The following PTPRM variants were observed in gnomAD, a reference collection of about 807,000 sequenced individuals.
PTPRM encodes protein tyrosine phosphatase receptor type M.
Under a neutral mutation model 186.7 loss-of-function variants are expected in PTPRM, and 47 were observed. The ratio of observed to expected loss-of-function variants is 0.25; its 90% confidence interval spans 0.20 to 0.32. The LOEUF (loss-of-function observed/expected upper bound fraction) is 0.32, where lower values mean the gene tolerates loss of function less well. Among genes scored for constraint, PTPRM ranks in the 10% least tolerant of loss-of-function variants. The pLI, the probability that PTPRM is intolerant of heterozygous loss-of-function variation, is 1.00. For missense variants in PTPRM, 1,494 were observed against 1,865.0 expected (o/e 0.80, Z 3.66); for synonymous variants, 668 against 674.9 (o/e 0.99, Z 0.16).
chr18:7,614,959 A>G (rs1030863972), intron 1 of PTPRM, among the ~76,000 whole-genome samples: 3 of 152,196 alleles, frequency 2.0e-5, no homozygotes, highest in Admixed American at 6.5e-5. Flanking sequence ...TTTGGAGTTG[A>G]GAATTAAACT....
At chr18:8,281,460 G>A (rs953132164) in intron 19 of PTPRM, among the ~76,000 whole-genome samples, 3 of 152,166 alleles carry the variant, frequency 2.0e-5, no homozygotes, top group Non-Finnish European at 4.4e-5. Flanking sequence ...AAAAATCTGT[G>A]CCGTGCAGTA....
At chr18:7,959,259 C>T (rs1024670167) in intron 7 of PTPRM, among the ~76,000 whole-genome samples, 4 of 152,166 alleles carry the variant, frequency 2.6e-5, no homozygotes, top group Non-Finnish European at 4.4e-5. Flanking sequence ...TACCTCATTA[C>T]CCAATGTTTT....
intron 2 of PTPRM, among the ~76,000 whole-genome samples, chr18:7,812,753 T>G (rs1332293528): frequency 6.6e-6 from 1 of 152,086 alleles, no homozygotes. Flanking sequence ...CAGCAATACT[T>G]GTTCAAAGTG....
At chr18:8,072,092 A>C (rs1272317842) in intron 8 of PTPRM, among the ~76,000 whole-genome samples, 2 of 152,190 alleles carry the variant, frequency 1.3e-5, no homozygotes, top group East Asian at 3.8e-4. Flanking sequence ...CTTGACAAGA[A>C]GTACTGTCTG....
intron 31 of PTPRM, among the ~76,000 whole-genome samples, chr18:8,392,513 G>T (rs2095820556): frequency 6.6e-6 from 1 of 152,030 alleles, no homozygotes; most frequent in Non-Finnish European, 1.5e-5. Flanking sequence ...TGTAGTCCCA[G>T]CTACTCGGGA....
intron 2 of PTPRM, 83 bp downstream of exon 2, chr18:7,774,354 A>G (rs773704771): frequency 5.3e-6 from 8 of 1,513,306 alleles, no homozygotes; most frequent in Non-Finnish European, 7.2e-6. Context: ...TATTGGTTAA[A>G]TGAGTGACGG....
intron 17 of PTPRM, among the ~76,000 whole-genome samples, chr18:8,250,436 C>T (rs2094517354): frequency 6.6e-6 from 1 of 151,822 alleles, no homozygotes; most frequent in Admixed American, 6.6e-5. Context: ...TAGTGAGAAG[C>T]TTTGTTTCTT....
At chr18:7,923,431 A>G (rs557428828) in intron 4 of PTPRM, among the ~76,000 whole-genome samples, 27 of 152,162 alleles carry the variant, frequency 1.8e-4, no homozygotes, top group Non-Finnish European at 2.9e-4. Context: ...CATTGTCCTG[A>G]GATATTATTG....
At position 7,686,117 on chromosome 18, in the gene PTPRM, T is replaced by A. The variant is rs2039596835; in HGVS notation, c.74-88032T>A. ...TTGTAAAAAATGAAATAGAATCATG[T>A]CTCTGTCCTTGCACCATCCCAGTCA... On this transcript the variant is annotated intron_variant, in intron 1 of 32. Coordinates refer to ENST00000580170, the MANE Select transcript of PTPRM (RefSeq NM_001105244.2). 2.0e-5 allele frequency among the ~76,000 whole-genome samples: 3 copies of A among 152,100 alleles called. No homozygotes were observed. In the South Asian group the frequency reaches 6.2e-4, roughly 32 times the overall value.
chr18:8,252,810 CT>C (rs921122697), intron 18 of PTPRM, among the ~76,000 whole-genome samples: 8 of 152,154 alleles, frequency 5.3e-5, no homozygotes, highest in Non-Finnish European at 8.8e-5. Context: ...ATTTTGTGCA[CT>C]TTTATTTTGC....
intron 1 of PTPRM, among the ~76,000 whole-genome samples, chr18:7,584,220 A>G (rs1294680339): frequency 6.6e-6 from 1 of 152,244 alleles, no homozygotes; most frequent in African/African-American, 2.4e-5. Context: ...ACTTTAAAAA[A>G]TTATGCAATT....
In PTPRM at chr18:7,683,713, A is replaced by C. The variant is rs2039531764; in HGVS notation, c.74-90436A>C. 2.0e-5 allele frequency among the ~76,000 whole-genome samples: 3 copies of C among 152,188 alleles called. No individual in the cohort carries two copies. The South Asian group carries it at 6.2e-4, about 32-fold the overall frequency. On this transcript the variant is annotated intron_variant, in intron 1 of 32. Coordinates refer to ENST00000580170, the MANE Select transcript of PTPRM (RefSeq NM_001105244.2). Reference sequence around the variant, plus strand: ...TTTTGTTGCATAATAAATTGCTACAAATTTAGCAAATTAAAACAACACTCA... The same window carrying C: ...TTTTGTTGCATAATAAATTGCTACACATTTAGCAAATTAAAACAACACTCA...
intron 1 of PTPRM, among the ~76,000 whole-genome samples, chr18:7,732,223 A>G (rs949764578): frequency 8.5e-5 from 13 of 152,298 alleles, no homozygotes; most frequent in African/African-American, 3.1e-4. Context: ...AGCCCTGGCC[A>G]TCACATCCTC....
chr18:7,778,055 A>G (rs1248488990), intron 2 of PTPRM, among the ~76,000 whole-genome samples: 3 of 152,160 alleles, frequency 2.0e-5, no homozygotes, highest in African/African-American at 4.8e-5. Context: ...ATTTCATTCT[A>G]ATTTTTAGCT....
At chr18:7,999,637 A>G (rs974205753) in intron 7 of PTPRM, among the ~76,000 whole-genome samples, 2 of 151,732 alleles carry the variant, frequency 1.3e-5, no homozygotes, top group Admixed American at 6.6e-5. Flanking sequence ...AAAATTGACA[A>G]TGGCAAAATA....
chr18:8,020,331 A>G (rs1161934126), intron 7 of PTPRM, among the ~76,000 whole-genome samples: 2 of 152,108 alleles, frequency 1.3e-5, no homozygotes, highest in Admixed American at 1.3e-4. Context: ...CAGTATGGGT[A>G]AAGAAGGAGA....
intron 6 of PTPRM, among the ~76,000 whole-genome samples, chr18:7,950,397 C>T (rs2052859187): frequency 6.6e-6 from 1 of 151,994 alleles, no homozygotes; most frequent in Non-Finnish European, 1.5e-5. Context: ...AGAGTGAGAC[C>T]CTGTGTCTTA....
chr18:7,567,807 G>A lies in PTPRM; in HGVS notation c.-12G>A. On this transcript the variant is annotated 5_prime_UTR_variant, in exon 1 of 33. Coordinates refer to ENST00000580170, the MANE Select transcript of PTPRM (RefSeq NM_001105244.2). This position sits in a 1 kb window ranked among gnomAD's most constrained non-coding sequence, Gnocchi z 4.3. ...CCGCCGCCGGGGAGCGGCCCGGCCCGCACTCAGCACCATGAGGGGACTTGG... is the reference window on the plus strand; with the variant it reads ...CCGCCGCCGGGGAGCGGCCCGGCCCACACTCAGCACCATGAGGGGACTTGG... 1 of 1,536,606 alleles carries A rather than the reference G, an allele frequency of 6.5e-7. No individual in the cohort carries two copies. Among genetic ancestry groups the A allele is most frequent in the Non-Finnish European group, 8.7e-7 (1 of 1,148,340 alleles).
intron 7 of PTPRM, among the ~76,000 whole-genome samples, chr18:8,036,864 C>T (rs963443523): frequency 5.9e-5 from 9 of 152,130 alleles, no homozygotes; most frequent in African/African-American, 1.9e-4. Context: ...TTATTTACAA[C>T]TGATGATGTA....
Sources: gnomAD v4.1 joint callset for allele counts (sites outside exome capture counted in the v4.1 genomes callset) on GRCh38, gnomAD v4.1.1 for gene constraint, Gnocchi (gnomAD v3.1) non-coding constraint, MANE v1.5 for transcripts, NCBI Gene and HGNC (gene_info 2026-07-23, HGNC 2026-07-21) for gene names.